The following NDST3 variants were observed in gnomAD, a reference collection of about 807,000 sequenced individuals.
NDST3 encodes bifunctional heparan sulfate N-deacetylase/N-sulfotransferase 3.
A neutral mutation model predicts 96.1 loss-of-function variants in NDST3; 58 were observed. The observed-to-expected ratio is 0.60, with a 90% CI of 0.49 to 0.75. The LOEUF (loss-of-function observed/expected upper bound fraction) is 0.75. Among genes scored for constraint, NDST3 ranks in the 30% least tolerant of loss-of-function variants. The probability of loss-of-function intolerance (pLI) is 0.00; values close to 1 mark genes in which losing one functional copy is unlikely to be tolerated. For missense variants in NDST3, 788 were observed against 1,034.2 expected (o/e 0.76, Z 3.27); for synonymous variants, 333 against 359.7 (o/e 0.93, Z 0.84).
chr4:118,210,838 G>T (rs1738743951), intron 6 of NDST3, among the ~76,000 whole-genome samples: 1 of 151,852 alleles, frequency 6.6e-6, no homozygotes, highest in Non-Finnish European at 1.5e-5. Context: ...AAGACTAGGG[G>T]AGTCACTGGC....
intron 6 of NDST3, among the ~76,000 whole-genome samples, chr4:118,207,571 T>A (rs1283526612): frequency 2.1e-5 from 3 of 145,084 alleles, no homozygotes; most frequent in Non-Finnish European, 3.1e-5. Context: ...AAAACTTCTT[T>A]CAAAGTTTTA....
At chr4:118,236,575 G>A (rs909829352) in intron 9 of NDST3, among the ~76,000 whole-genome samples, 11 of 152,150 alleles carry the variant, frequency 7.2e-5, no homozygotes, top group Admixed American at 4.6e-4. Context: ...ACGTAACACC[G>A]GCACAATACA....
intron 2 of NDST3, among the ~76,000 whole-genome samples, chr4:118,072,048 G>A (rs1158268746): frequency 6.6e-6 from 1 of 151,964 alleles, no homozygotes; most frequent in Non-Finnish European, 1.5e-5. Context: ...TAAGTGTGAG[G>A]CTTTATTTCT....
intron 8 of NDST3, among the ~76,000 whole-genome samples, chr4:118,227,599 A>G (rs960480756): frequency 1.5e-4 from 21 of 142,568 alleles, no homozygotes; most frequent in African/African-American, 5.1e-4. Flanking sequence ...CTTCTTTATC[A>G]CCATAAACTT....
chr4:118,097,780 A>T (rs988915307), intron 2 of NDST3, among the ~76,000 whole-genome samples: 2 of 151,934 alleles, frequency 1.3e-5, no homozygotes, highest in Non-Finnish European at 2.9e-5. Context: ...TAAAGTAGTA[A>T]ATAAGTGTTC....
intron 2 of NDST3, among the ~76,000 whole-genome samples, chr4:118,070,471 G>C (rs1046278270): frequency 6.6e-6 from 1 of 151,836 alleles, no homozygotes; most frequent in African/African-American, 2.4e-5. Context: ...TTATCCATCT[G>C]TTATATAACT....
rs372374109 is a variant in NDST3 at position 118,170,678 on chromosome 4, G to A, written c.1539+26994G>A. Among the ~76,000 whole-genome samples the A allele has an allele frequency of 4.2e-4, 64 of 152,154 alleles. 1 individual carries two copies. In the South Asian group the frequency reaches 5.4e-3, roughly 13 times the overall value. On this transcript the variant is annotated intron_variant, in intron 6 of 13. Transcript: ENST00000296499. Reference sequence around the variant, plus strand: ...CGGGTGGTGGAGATTGCAGTGAGCCGAGATCGCACCACTGCACTCCAGCCT... The same window carrying A: ...CGGGTGGTGGAGATTGCAGTGAGCCAAGATCGCACCACTGCACTCCAGCCT...
chr4:118,126,651 C>T (rs1732117667), intron 4 of NDST3, among the ~76,000 whole-genome samples: 1 of 151,724 alleles, frequency 6.6e-6, no homozygotes, highest in Admixed American at 6.6e-5. Context: ...CTGCAACGAA[C>T]ATGAGAGTGC....
intron 2 of NDST3, among the ~76,000 whole-genome samples, chr4:118,072,295 A>G (rs1727144590): frequency 6.6e-6 from 1 of 152,100 alleles, no homozygotes; most frequent in Non-Finnish European, 1.5e-5. Context: ...TAGAAATAGC[A>G]CTGAATCTGT....
In NDST3 at chr4:118,253,559, T is replaced by C. The variant is rs1363967076; in HGVS notation, c.2460T>C (p.Leu820=). The change falls in exon 13 of 14, where the codon CTT becomes CTC. Residue 820 remains leucine (L), a synonymous_variant. Transcript: ENST00000296499. ...QLLEEGKTKC[L]GKSKGRKYPP... ...TGGAAGAAGGTAAAACAAAATGCCT[T>C]GGAAAGAGCAAAGGAAGAAAATACC... 1.2e-6 allele frequency: 2 copies of C among 1,613,072 alleles called. No homozygotes were observed. The highest frequency in any genetic ancestry group is 1.7e-6 in the Non-Finnish European group (2 of 1,179,414).
intron 10 of NDST3, among the ~76,000 whole-genome samples, chr4:118,238,743 T>C (rs1243400883): frequency 1.3e-5 from 2 of 152,222 alleles, no homozygotes; most frequent in Admixed American, 6.5e-5. Context: ...TAAACAAGCA[T>C]ATAAATTAGA....
At chr4:118,249,713 A>G (rs771066816) in intron 12 of NDST3, among the ~76,000 whole-genome samples, 2 of 146,384 alleles carry the variant, frequency 1.4e-5, no homozygotes, top group Non-Finnish European at 3.0e-5. Flanking sequence ...TTAACTACAT[A>G]TAGACTACAG....
At chr4:118,155,166 A>C (rs1468516928) in intron 6 of NDST3, among the ~76,000 whole-genome samples, 2 of 152,130 alleles carry the variant, frequency 1.3e-5, no homozygotes, top group African/African-American at 4.8e-5. Flanking sequence ...TATTAGCCCT[A>C]TTTTTCTATT....
At chr4:118,068,166 CTTTTTTTTTTT>C (rs34891564) in intron 2 of NDST3, among the ~76,000 whole-genome samples, 2 of 84,310 alleles carry the variant, frequency 2.4e-5, no homozygotes, top group South Asian at 5.0e-4. Flanking sequence ...TACTTGATCT[CTTTTTTTTTTT>C]TTTTTTTTTT....
intron 13 of NDST3, among the ~76,000 whole-genome samples, chr4:118,254,532 C>T (rs1741991992): frequency 6.6e-6 from 1 of 152,068 alleles, no homozygotes; most frequent in African/African-American, 2.4e-5. Flanking sequence ...CAGTTTTCTC[C>T]ATTTCTATAC....
At chr4:118,119,205 G>A (rs184330781) in intron 4 of NDST3, among the ~76,000 whole-genome samples, 1 of 152,172 alleles carries the variant, frequency 6.6e-6, no homozygotes, top group East Asian at 1.9e-4. Context: ...ACATTAGCTG[G>A]AATGTCTATT....
intron 6 of NDST3, chr4:118,194,837 C>A: frequency 3.0e-6 from 1 of 329,006 alleles, no homozygotes; most frequent in Admixed American, 4.3e-5. Flanking sequence ...TCAGGGTGTG[C>A]AGGAGGCCAG....
At chr4:118,058,075 T>C (rs1578549182) in intron 2 of NDST3, among the ~76,000 whole-genome samples, 4 of 76,662 alleles carry the variant, frequency 5.2e-5, no homozygotes, top group Admixed American at 2.1e-4. Context: ...AATTATTTTA[T>C]TTAATTATTA....
chr4:118,087,217 A>G (rs1268938762), intron 2 of NDST3, among the ~76,000 whole-genome samples: 1 of 152,050 alleles, frequency 6.6e-6, no homozygotes, highest in Non-Finnish European at 1.5e-5. Flanking sequence ...CTCTCTCTTG[A>G]GTTGTTTTAA....
Sources: allele counts gnomAD v4.1 joint callset (sites outside exome capture counted in the v4.1 genomes callset), GRCh38; gene constraint gnomAD v4.1.1; transcripts MANE v1.5; gene names NCBI Gene and HGNC (gene_info 2026-07-23, HGNC 2026-07-21).